FZD6: variants seen among roughly 807,000 people sequenced by gnomAD.
The protein encoded by FZD6 is frizzled-6.
A neutral mutation model predicts 61.4 loss-of-function variants in FZD6; 49 were observed. The ratio of observed to expected loss-of-function variants is 0.80; its 90% CI spans 0.63 to 1.01. The LOEUF is 1.01. Among genes scored for constraint, FZD6 ranks in the 50% least tolerant of loss-of-function variants. The pLI, the probability that FZD6 is intolerant of heterozygous loss-of-function variation, is 0.00. For missense variants in FZD6, 724 were observed against 848.2 expected (o/e 0.85, Z 1.82); for synonymous variants, 265 against 292.2 (o/e 0.91, Z 0.95).
At chr8:103,328,854 G>A (rs1315084663) in intron 5 of FZD6, among the ~76,000 whole-genome samples, 1 of 151,040 alleles carries the variant, frequency 6.6e-6, no homozygotes, top group East Asian at 1.9e-4. Flanking sequence ...TCAAATATAA[G>A]TGATGTGTTA....
intron 6 of FZD6, among the ~76,000 whole-genome samples, chr8:103,330,711 T>G (rs1815096396): frequency 6.6e-6 from 1 of 152,216 alleles, no homozygotes; most frequent in Admixed American, 6.5e-5. Context: ...TACTCATCTT[T>G]ATGTTCCCAG....
rs367925897 is a variant in FZD6, at chr8:103,329,672, G to A, written c.1559G>A (p.Arg520Gln). 16 of 1,609,150 alleles carry A rather than the reference G, an allele frequency of 9.9e-6. No homozygotes were observed. The highest frequency in any genetic ancestry group is 8.0e-5 in the African/African-American group (6 of 74,822). The change falls in exon 6 of 7, where the codon CGA becomes CAA. Residue 520 changes from arginine to glutamine, a missense_variant. Transcript: ENST00000358755. ...NRKRDPISES[R>Q]RVLQESCEFF... Reference sequence around the variant, plus strand: ...TCTTATAGTCCAATCAGTGAAAGTCGAAGAGTACTACAGGAATCATGTGAG... The same window carrying A: ...TCTTATAGTCCAATCAGTGAAAGTCAAAGAGTACTACAGGAATCATGTGAG...
At chr8:103,307,977 G>T (rs1465495330) in intron 2 of FZD6, 1 of 455,518 alleles carries the variant, frequency 2.2e-6, no homozygotes, top group Non-Finnish European at 4.4e-6. Context: ...ACACTAGATA[G>T]TTGGTTGATC....
Position 103,331,302 on chromosome 8 carries a change from T to C in FZD6, c.1953-39T>C, listed in dbSNP as rs1270985570. ...TGAAAAATGGCATCATATTTGTGTT[T>C]GTGGATGTGTGTGTGTCAACTTTTT... On this transcript the variant is annotated intron_variant, in intron 6 of 6. Coordinates refer to ENST00000358755, the MANE Select transcript of FZD6 (RefSeq NM_003506.4). 4 of 1,427,616 alleles carry C rather than the reference T, an allele frequency of 2.8e-6. No homozygotes were observed. The South Asian group carries it at 3.4e-5, about 12-fold the overall frequency. The allele number at this position is 1,427,616 out of a possible 1,614,324, so 88.4% of individuals were successfully genotyped here.
At chr8:103,302,153 A>G (rs1304202850) in intron 2 of FZD6, among the ~76,000 whole-genome samples, 3 of 152,198 alleles carry the variant, frequency 2.0e-5, no homozygotes, top group Non-Finnish European at 2.9e-5. Flanking sequence ...GGAAAGAGAA[A>G]TGAAAAGGCA....
intron 2 of FZD6, among the ~76,000 whole-genome samples, chr8:103,301,832 C>T (rs916729705): frequency 1.3e-5 from 2 of 152,128 alleles, no homozygotes; most frequent in Non-Finnish European, 2.9e-5. Context: ...TTGTTCTGCA[C>T]GTCTTTTTAA....
chr8:103,326,725 A>G (rs903761819), intron 4 of FZD6, among the ~76,000 whole-genome samples: 1 of 151,532 alleles, frequency 6.6e-6, no homozygotes, highest in Admixed American at 6.6e-5. Context: ...TCCATAATCA[A>G]TGTCAAAAGA....
At chr8:103,303,793 C>G (rs1284196245) in intron 2 of FZD6, among the ~76,000 whole-genome samples, 2 of 151,744 alleles carry the variant, frequency 1.3e-5, no homozygotes, top group African/African-American at 2.4e-5. Context: ...TATTTTGTTT[C>G]CCACATTAGC....
intron 2 of FZD6, among the ~76,000 whole-genome samples, chr8:103,315,809 G>T (rs1047974695): frequency 6.6e-6 from 1 of 152,150 alleles, no homozygotes; most frequent in African/African-American, 2.4e-5. Context: ...ATACTAAAAG[G>T]CTTTGAACAG....
intron 2 of FZD6, among the ~76,000 whole-genome samples, chr8:103,309,464 T>G (rs1342821811): frequency 1.3e-5 from 2 of 152,198 alleles, no homozygotes; most frequent in Non-Finnish European, 2.9e-5. Context: ...AATGAGCAGG[T>G]GGTAGGAACT....
chr8:103,300,862 A>G (rs1246790364), intron 2 of FZD6, among the ~76,000 whole-genome samples: 1 of 152,170 alleles, frequency 6.6e-6, no homozygotes, highest in Non-Finnish European at 1.5e-5. Flanking sequence ...ACTTGGGAGG[A>G]GTACAGTGAC....
chr8:103,313,469 A>G (rs565464286), intron 2 of FZD6, among the ~76,000 whole-genome samples: 1 of 152,248 alleles, frequency 6.6e-6, no homozygotes, highest in African/African-American at 2.4e-5. Context: ...ACTGGTAGCA[A>G]AGGGGAATGG....
intron 2 of FZD6, among the ~76,000 whole-genome samples, chr8:103,318,285 G>A (rs371028790): frequency 9.9e-5 from 15 of 152,154 alleles, no homozygotes; most frequent in African/African-American, 2.9e-4. Context: ...TCACTGTGTC[G>A]ATTGCTGTTA....
At chr8:103,317,837 AAAAAGAAAG>A (rs1467154477) in intron 2 of FZD6, among the ~76,000 whole-genome samples, 11 of 85,058 alleles carry the variant, frequency 1.3e-4, no homozygotes, top group Non-Finnish European at 2.5e-4. Flanking sequence ...AAAAAAAAAA[AAAAAGAAAG>A]AAAGAAAGAA....
Position 103,316,516 on chromosome 8 carries a change from C to G in FZD6, c.178-2074C>G, listed in dbSNP as rs79909530. ...ATTCATATATTCCTTCAATTTGTTT[C>G]AGGAATATTACATCTTCTAGTTGCT... is the stretch of plus-strand genomic sequence containing the variant. On this transcript the variant is annotated intron_variant, in intron 2 of 6. Coordinates refer to ENST00000358755, the MANE Select transcript of FZD6 (RefSeq NM_003506.4). Among the ~76,000 whole-genome samples the G allele has an allele frequency of 1.8e-3, 274 of 152,284 alleles. 2 individuals are homozygous for G. Among genetic ancestry groups the G allele is most frequent in the African/African-American group, 6.5e-3 (269 of 41,568 alleles).
chr8:103,307,815 G>T (rs753997028), intron 2 of FZD6: 3 of 455,864 alleles, frequency 6.6e-6, no homozygotes, highest in South Asian at 4.6e-5. Context: ...TCATAGAATC[G>T]CCAGGTGGGC....
intron 4 of FZD6, 44 bp downstream of exon 4, chr8:103,325,542 T>A: frequency 7.1e-7 from 1 of 1,405,764 alleles, no homozygotes; most frequent in Non-Finnish European, 1.0e-6. Flanking sequence ...ACATTTAATG[T>A]AGAAAATGTT....
chr8:103,300,124 T>C lies in FZD6; in HGVS notation c.17T>C (p.Phe6Ser). The C allele has an allele frequency of 1.3e-6, 2 of 1,598,116 alleles. No individual in the cohort carries two copies. Among genetic ancestry groups the C allele is most frequent in the South Asian group, 1.1e-5 (1 of 90,756 alleles). The change falls in exon 2 of 7, where the codon TTT (phenylalanine) becomes TCT (serine). Residue 6 changes from phenylalanine to serine, a missense_variant. Phe to Ser is a radical substitution (Grantham distance 155). Transcript: ENST00000358755. The stretch of plus-strand genomic sequence containing the variant: ...TTGAAGAAAATGGAAATGTTTACAT[T>C]TTTGTTGACGTGTATTTTTCTACCC... MEMFT[F>S]LLTCIFLPLL...
intron 4 of FZD6, among the ~76,000 whole-genome samples, chr8:103,327,670 A>C (rs1563694148): frequency 6.6e-6 from 1 of 152,134 alleles, no homozygotes; most frequent in Non-Finnish European, 1.5e-5. Flanking sequence ...GTCTCCAAGA[A>C]ATATTAGTAA....
Sources: gnomAD v4.1 joint callset for allele counts (sites outside exome capture counted in the v4.1 genomes callset) on GRCh38, gnomAD v4.1.1 for gene constraint, MANE v1.5 for transcripts, NCBI Gene and HGNC (gene_info 2026-07-23, HGNC 2026-07-21) for gene names.